DNAH6: variants seen among roughly 807,000 people sequenced by gnomAD.
The protein encoded by DNAH6 is dynein axonemal heavy chain 6, also known as axonemal beta dynein heavy chain 6.
DNAH6 carries 340 observed loss-of-function variants against 491.4 expected under a neutral mutation model. That is an observed-to-expected ratio of 0.69 (90% CI 0.63 to 0.76). DNAH6 has a LOEUF of 0.76. Among genes scored for constraint, DNAH6 ranks in the 30% least tolerant of loss-of-function variants. The pLI is 0.00. For synonymous variants in DNAH6, 1,603 were observed against 1,686.1 expected (o/e 0.95, Z 1.21); for missense variants, 4,443 against 4,972.2 (o/e 0.89, Z 3.20).
At chr2:84,558,883 C>T (rs1334007140) in intron 11 of DNAH6, among the ~76,000 whole-genome samples, 1 of 152,072 alleles carries the variant, frequency 6.6e-6, no homozygotes, top group East Asian at 1.9e-4. Context: ...GGAATGCAGC[C>T]CTCAATATAC....
intron 70 of DNAH6, among the ~76,000 whole-genome samples, chr2:84,800,990 G>T (rs573658265): frequency 2.0e-5 from 3 of 149,548 alleles, no homozygotes; most frequent in African/African-American, 7.4e-5. Context: ...GTAAACTATC[G>T]CAAGAACAAA....
chr2:84,726,457 T>C (rs1247751189), intron 60 of DNAH6, among the ~76,000 whole-genome samples: 3 of 152,150 alleles, frequency 2.0e-5, no homozygotes, highest in African/African-American at 7.2e-5. Flanking sequence ...TCACGCAGCT[T>C]GGGACCTTTA....
chr2:84,616,082 T>C (rs1025179106), intron 22 of DNAH6, among the ~76,000 whole-genome samples: 1 of 152,134 alleles, frequency 6.6e-6, no homozygotes, highest in African/African-American at 2.4e-5. Flanking sequence ...CTTAAATTTA[T>C]TGGGACTTGT....
rs769598727 is a variant in DNAH6 at position 84,669,270 on chromosome 2, G to A, written c.6085-19G>A. 41 of 1,532,772 alleles carry A rather than the reference G, an allele frequency of 2.7e-5. No individual in the cohort carries two copies. In the African/African-American group the frequency reaches 5.2e-4, roughly 20 times the overall value. The allele number at this position is 1,532,772 out of a possible 1,614,324, so 94.9% of individuals were successfully genotyped here. On this transcript the variant is annotated intron_variant, in intron 37 of 76. Coordinates refer to ENST00000389394, the MANE Select transcript of DNAH6 (RefSeq NM_001370.2). ...TTGCTTATTCCCTATTGAAAGTGGT[G>A]TTTAATTTTGTACTTTAGCTTCCCA...
chr2:84,524,753 C>T (rs1455054346), intron 2 of DNAH6, among the ~76,000 whole-genome samples: 1 of 152,040 alleles, frequency 6.6e-6, no homozygotes, highest in East Asian at 1.9e-4. Context: ...ATTGTTTGGT[C>T]TCTGTGAAGT....
chr2:84,499,496 ACAAACATAG>A, the DNAH6 span, among the ~76,000 whole-genome samples: 1 of 152,222 alleles, frequency 6.6e-6, no homozygotes, highest in Non-Finnish European at 1.5e-5. Context: ...CAGTGCTGGA[ACAAACATAG>A]GAGTACAGAT....
At chr2:84,746,106 A>G (rs1672957292) in intron 63 of DNAH6, among the ~76,000 whole-genome samples, 2 of 152,190 alleles carry the variant, frequency 1.3e-5, no homozygotes, top group African/African-American at 4.8e-5. Context: ...GAGAGATGCT[A>G]TTGATTCTAC....
chr2:84,558,382 C>G (rs976008170), intron 11 of DNAH6, among the ~76,000 whole-genome samples: 4 of 151,066 alleles, frequency 2.6e-5, no homozygotes, highest in African/African-American at 7.3e-5. Flanking sequence ...CGAGATCGCG[C>G]CACTGCACTC....
chr2:84,604,301 T>C (rs1195413103), intron 18 of DNAH6, 38 bp from the exon 19 acceptor site: 14 of 1,483,560 alleles, frequency 9.4e-6, no homozygotes, highest in African/African-American at 4.2e-5. Context: ...ATTTTTAAGA[T>C]AAAAAGCTTC....
At position 84,682,698 on chromosome 2, in the gene DNAH6, C is replaced by T. The variant is rs561225147; in HGVS notation, c.6916+1170C>T. On this transcript the variant is annotated intron_variant, in intron 42 of 76. Coordinates refer to ENST00000389394, the MANE Select transcript of DNAH6 (RefSeq NM_001370.2). ...GCTAGGAACCTTGAAAACCTCTATG[C>T]AATCCACAAATAGTCCTGACAGCTT... 2.0e-5 allele frequency among the ~76,000 whole-genome samples: 3 copies of T among 152,188 alleles called. No individual in the cohort carries two copies. The East Asian group carries it at 5.8e-4, about 29-fold the overall frequency.
At chr2:84,623,136 A>G (rs1363613587) in intron 26 of DNAH6, among the ~76,000 whole-genome samples, 1 of 152,220 alleles carries the variant, frequency 6.6e-6, no homozygotes, top group Non-Finnish European at 1.5e-5. Flanking sequence ...TGAAACTGTA[A>G]AATCCCTAGA....
intron 21 of DNAH6, among the ~76,000 whole-genome samples, chr2:84,611,223 G>A (rs902760637): frequency 3.6e-5 from 5 of 137,950 alleles, no homozygotes; most frequent in African/African-American, 1.5e-4. Context: ...ACATGAGCAG[G>A]GTTTTTTAAA....
rs141501810 is a variant in DNAH6 at position 84,786,367 on chromosome 2, A to G, written c.11100+611A>G. Among the ~76,000 whole-genome samples the G allele has an allele frequency of 3.2e-3, 485 of 151,206 alleles. 5 individuals are homozygous for G. The highest frequency in any genetic ancestry group is 3.4e-3 in the Non-Finnish European group (231 of 67,718). ...CTTGAGCCTGGGAGGTCAAGGCTGA[A>G]TGAACAGTGATTGTGCCACTGCACT... On this transcript the variant is annotated intron_variant, in intron 67 of 76. Coordinates refer to ENST00000389394, the MANE Select transcript of DNAH6 (RefSeq NM_001370.2).
At chr2:84,782,709 CTG>C (rs769364682) in intron 65 of DNAH6, among the ~76,000 whole-genome samples, 4 of 152,152 alleles carry the variant, frequency 2.6e-5, no homozygotes, top group East Asian at 1.9e-4. Context: ...CTGCTTCCTG[CTG>C]GGCCTGTGGC....
At chr2:84,717,676 G>A (rs1440281468) in intron 58 of DNAH6, among the ~76,000 whole-genome samples, 1 of 152,210 alleles carries the variant, frequency 6.6e-6, no homozygotes, top group Non-Finnish European at 1.5e-5. Flanking sequence ...GAGACTGGGA[G>A]CAAATTATGA....
chr2:84,811,427 C>T (rs927148644), intron 72 of DNAH6, among the ~76,000 whole-genome samples: 1 of 152,228 alleles, frequency 6.6e-6, no homozygotes, highest in East Asian at 1.9e-4. Context: ...TACTCCACTC[C>T]AGCCCAGTGT....
At chr2:84,699,321 T>C (rs1307375743) in intron 47 of DNAH6, among the ~76,000 whole-genome samples, 1 of 152,178 alleles carries the variant, frequency 6.6e-6, no homozygotes, top group Non-Finnish European at 1.5e-5. Context: ...AATGGCCCTT[T>C]ATTCAAAGGA....
intron 11 of DNAH6, 44 bp from the exon 12 acceptor site, chr2:84,573,423 A>G (rs1341527896): frequency 6.6e-7 from 1 of 1,519,886 alleles, no homozygotes; most frequent in Non-Finnish European, 8.8e-7. Flanking sequence ...AATTCTGCTT[A>G]ACAAAAATAT....
chr2:84,514,867 T>TCTCACACACACACACA (rs71390175), upstream of DNAH6, among the ~76,000 whole-genome samples: 4 of 139,006 alleles, frequency 2.9e-5, no homozygotes, highest in Admixed American at 7.1e-5. Context: ...TTCACCACAG[T>TCTCACACACACACACA]CACACACACA....
Sources: allele counts gnomAD v4.1 joint callset (sites outside exome capture counted in the v4.1 genomes callset), GRCh38; gene constraint gnomAD v4.1.1; transcripts MANE v1.5; gene names NCBI Gene and HGNC (gene_info 2026-07-23, HGNC 2026-07-21).